LONRF1: variants seen among roughly 807,000 people sequenced by gnomAD.
The protein encoded by LONRF1 is LON peptidase N-terminal domain and ring finger 1, also known as LON peptidase N-terminal domain and RING finger protein 1.
A neutral mutation model predicts 85.8 loss-of-function variants in LONRF1; 37 were observed. The observed-to-expected ratio is 0.43, with a 90% CI of 0.33 to 0.57. The LOEUF is 0.57. LONRF1 is among the 20% of genes least tolerant of loss of function. The pLI is 0.04. For synonymous variants in LONRF1, 517 were observed against 390.1 expected, an observed-to-expected ratio of 1.33 and a Z score of -3.83; for missense variants, 1,036 against 978.0, an observed-to-expected ratio of 1.06 and a Z score of -0.79.
At chr8:12,754,343 TCGGGATAGCCCAGCTACCACCCATCC>T (rs1277761752) in intron 1 of LONRF1, 1 of 181,390 alleles carries the variant, frequency 5.5e-6, no homozygotes, top group African/African-American at 2.4e-5. Context: ...GAGCGGCCGC[TCGGGATAGCCCAGCTACCACCCATCC>T]CGCGCCGGGG....
At chr8:12,750,709 A>G (rs1053016249) in intron 1 of LONRF1, among the ~76,000 whole-genome samples, 3 of 152,240 alleles carry the variant, frequency 2.0e-5, no homozygotes, top group Non-Finnish European at 4.4e-5. Flanking sequence ...ATCTTCTGAT[A>G]GCTAAAGCTT....
chr8:12,744,613 A>T (rs1220551685), intron 1 of LONRF1, among the ~76,000 whole-genome samples: 2 of 152,194 alleles, frequency 1.3e-5, no homozygotes, highest in African/African-American at 4.8e-5. Context: ...AGAAAATTTT[A>T]CTGTCAAACA....
chr8:12,726,252 G>C (rs1414677110), intron 10 of LONRF1, among the ~76,000 whole-genome samples: 2 of 152,196 alleles, frequency 1.3e-5, no homozygotes, highest in Non-Finnish European at 2.9e-5. Flanking sequence ...GAACAAAAAA[G>C]TGGATGATAG....
intron 2 of LONRF1, 116 bp downstream of exon 2, chr8:12,743,048 A>G (rs182814468): frequency 2.8e-6 from 2 of 714,316 alleles, no homozygotes; most frequent in African/African-American, 3.6e-5. Context: ...CTAGAGCACT[A>G]GATATTTTAT....
intron 8 of LONRF1, 23 bp from the exon 9 acceptor site, chr8:12,729,355 A>G (rs766628338): frequency 6.2e-7 from 1 of 1,607,750 alleles, no homozygotes; most frequent in Admixed American, 1.7e-5. Context: ...CAGTTTAATT[A>G]TTAGAATTCA....
intron 8 of LONRF1, 75 bp downstream of exon 8, chr8:12,731,661 T>A: frequency 7.9e-7 from 1 of 1,262,632 alleles, no homozygotes; most frequent in Non-Finnish European, 1.1e-6. Context: ...AAAGACAGGA[T>A]CCAGCTTGCG....
chr8:12,741,081 T>G, intron 2 of LONRF1, 85 bp from the exon 3 acceptor site: 1 of 1,489,490 alleles, frequency 6.7e-7, no homozygotes, highest in South Asian at 1.2e-5. Context: ...AACAATAGTC[T>G]GCTCAGCAGT....
At chr8:12,738,446 A>T (rs555507886) in intron 3 of LONRF1, among the ~76,000 whole-genome samples, 47 of 152,356 alleles carry the variant, frequency 3.1e-4, no homozygotes, top group African/African-American at 1.0e-3. Flanking sequence ...ATCTTAAAAG[A>T]CATATTAAAT....
At chr8:12,726,881 T>C (rs981463433) in intron 10 of LONRF1, among the ~76,000 whole-genome samples, 2 of 152,168 alleles carry the variant, frequency 1.3e-5, no homozygotes, top group Non-Finnish European at 2.9e-5. Flanking sequence ...AAACTAAAGT[T>C]TAAAGAGCAT....
chr8:12,751,296 G>GGTTTTTTTTTGTTTGTTT (rs1365011980), intron 1 of LONRF1, among the ~76,000 whole-genome samples: 4 of 69,558 alleles, frequency 5.8e-5, no homozygotes, highest in Non-Finnish European at 8.5e-5. Flanking sequence ...TTATTTTTAT[G>GGTTTTTTTTTGTTTGTTT]TTTTTTTTTT....
chr8:12,742,643 T>C (rs575773531), intron 2 of LONRF1, among the ~76,000 whole-genome samples: 9 of 152,338 alleles, frequency 5.9e-5, no homozygotes, highest in African/African-American at 1.9e-4. Context: ...GTCTTTTTTT[T>C]TCCTGTACCA....
chr8:12,740,986 C>T lies in LONRF1; in HGVS notation c.851G>A (p.Arg284Lys). ...AGCATCGCAGAGTACTTTTCCTTTC[C>T]TGAAGTAGACCTTTAATAAAAGCAG... ...QLPDWPEVYF[R>K]KGKVLCDAGF... The change falls in exon 3 of 12, where the codon AGG becomes AAG. Residue 284 changes from arginine to lysine, a missense_variant. Around this residue, in one of 3 missense-constraint regions of LONRF1, gnomAD observed 742 missense variants for 614.4 expected, o/e 1.21. Coordinates refer to ENST00000398246, the MANE Select transcript of LONRF1 (RefSeq NM_152271.5). 6.2e-7 allele frequency: 1 copy of T among 1,613,118 alleles called. No homozygotes were observed. Among genetic ancestry groups the T allele is most frequent in the Non-Finnish European group, 8.5e-7 (1 of 1,179,424 alleles).
In LONRF1 at chr8:12,725,824, G is replaced by C. The variant is rs1175979882; in HGVS notation, c.2066C>G (p.Ser689Cys). 8 of 1,613,546 alleles carry C rather than the reference G, an allele frequency of 5.0e-6. No homozygotes were observed. The highest frequency in any genetic ancestry group is 2.2e-5 in the South Asian group (2 of 91,046). Reference protein sequence around the residue: ...NLRELHDLVYSQACSWFQNLR... With the variant: ...NLRELHDLVYCQACSWFQNLR... ...ATTCTGAAACCAGCTGCAGGCTTGA[G>C]AGTAAACCAAATCATGAAGCTCTCT... The change falls in exon 11 of 12, where the codon TCT (serine) becomes TGT (cysteine). Residue 689 changes from serine (S) to cysteine (C), a missense_variant. By Grantham distance (112) the Ser-to-Cys change is moderately radical (BLOSUM62 -1). This residue lies in a region of LONRF1 where 265 missense variants were observed against 301.5 expected (regional missense o/e 0.88). Transcript: ENST00000398246.
At chr8:12,752,551 C>A (rs1471073531) in intron 1 of LONRF1, among the ~76,000 whole-genome samples, 1 of 152,122 alleles carries the variant, frequency 6.6e-6, no homozygotes, top group Non-Finnish European at 1.5e-5. Flanking sequence ...GGGTTCTATT[C>A]CTGCAAAAGT....
chr8:12,751,294 A>ATGTTTTTTTTTTTTTTTTTTTTTTTTT (rs1799379224), intron 1 of LONRF1, among the ~76,000 whole-genome samples: 1 of 84,810 alleles, frequency 1.2e-5, no homozygotes, highest in African/African-American at 4.2e-5. Flanking sequence ...TTTTATTTTT[A>ATGTTTTTTTTTTTTTTTTTTTTTTTTT]TGTTTTTTTT....
At chr8:12,740,444 G>A (rs1798886787) in intron 3 of LONRF1, among the ~76,000 whole-genome samples, 1 of 152,090 alleles carries the variant, frequency 6.6e-6, no homozygotes, top group South Asian at 2.1e-4. Context: ...AGTATGGAAA[G>A]TGACATATGG....
At chr8:12,751,925 G>A (rs1350669245) in intron 1 of LONRF1, among the ~76,000 whole-genome samples, 1 of 152,102 alleles carries the variant, frequency 6.6e-6, no homozygotes, top group African/African-American at 2.4e-5. Context: ...TGAAACATCT[G>A]AGAGTTAATA....
chr8:12,753,232 T>TA (rs1265928309), intron 1 of LONRF1: 1 of 152,248 alleles, frequency 6.6e-6, no homozygotes, highest in Non-Finnish European at 1.5e-5. Context: ...CTTCGAACTC[T>TA]AAAGATACTA....
At chr8:12,731,505 C>T (rs1004854377) in intron 8 of LONRF1, among the ~76,000 whole-genome samples, 5 of 152,064 alleles carry the variant, frequency 3.3e-5, no homozygotes, top group African/African-American at 9.7e-5. Flanking sequence ...ATTCCTCCCC[C>T]GCCCAAAATA....
Sources: allele counts gnomAD v4.1 joint callset (sites outside exome capture counted in the v4.1 genomes callset), GRCh38; gene constraint gnomAD v4.1.1; regional missense constraint gnomAD v4.1.1; transcripts MANE v1.5; gene names NCBI Gene and HGNC (gene_info 2026-07-23, HGNC 2026-07-21).